The following LRBA variants were observed in gnomAD, a reference collection of about 807,000 sequenced individuals.
LRBA encodes lipopolysaccharide-responsive and beige-like anchor protein.
Under a neutral mutation model 330.0 loss-of-function variants are expected in LRBA, and 176 were observed. The observed-to-expected ratio is 0.53, with a 90% CI of 0.47 to 0.60. LRBA has a LOEUF of 0.60. Among genes scored for constraint, LRBA ranks in the 20% least tolerant of loss-of-function variants. The pLI, the probability that LRBA is intolerant of heterozygous loss-of-function variation, is 0.00. For synonymous variants in LRBA, 1,230 were observed against 1,193.0 expected (o/e 1.03, Z -0.64); for missense variants, 3,259 against 3,444.8 (o/e 0.95, Z 1.35).
At chr4:150,974,522 G>C (rs934860001) in intron 2 of LRBA, among the ~76,000 whole-genome samples, 1 of 152,104 alleles carries the variant, frequency 6.6e-6, no homozygotes, top group Admixed American at 6.6e-5. Context: ...CCAAGGCTTT[G>C]GACTAAGCTT....
At chr4:150,793,354 C>G (rs908841342) in intron 34 of LRBA, among the ~76,000 whole-genome samples, 1 of 152,002 alleles carries the variant, frequency 6.6e-6, no homozygotes. Flanking sequence ...AAACCAAAGG[C>G]CCTGCTCATA....
chr4:150,903,602 T>C (rs1243699257), intron 13 of LRBA, among the ~76,000 whole-genome samples: 2 of 152,034 alleles, frequency 1.3e-5, no homozygotes, highest in African/African-American at 4.8e-5. Flanking sequence ...TAGCTGTGTG[T>C]GGTGGTACAC....
chr4:150,775,489 AC>A (rs778165801), intron 34 of LRBA, among the ~76,000 whole-genome samples: 43,635 of 121,218 alleles, frequency 0.36, 7,832 homozygotes, highest in Non-Finnish European at 0.45. Flanking sequence ...ACACACACAC[AC>A]ACACACACAC....
At chr4:150,875,189 C>T (rs535607990) in intron 17 of LRBA, among the ~76,000 whole-genome samples, 1 of 152,198 alleles carries the variant, frequency 6.6e-6, no homozygotes, top group African/African-American at 2.4e-5. Flanking sequence ...AAGCCTATCT[C>T]CAGGGATTCA....
Position 150,870,568 on chromosome 4 carries a change from T to C in LRBA, c.2406A>G (p.Lys802=), listed in dbSNP as rs201780876. ...CTGAAGAATCAGGATCTGGATGCTG[T>C]TTATGTATCACCTGAGTACCAATCT... is the stretch of plus-strand genomic sequence containing the variant. ...IEQIGTQVIH[K]QHPDPDSSVK... is the part of the protein sequence containing the mutation. Residue 802 remains lysine (K), a synonymous_variant, in exon 20 of 57, where the codon AAA becomes AAG. Transcript: ENST00000651943. The C allele has an allele frequency of 2.0e-4, 326 of 1,593,556 alleles. 1 individual carries two copies. The highest frequency in any genetic ancestry group is 1.5e-3 in the Admixed American group (88 of 59,950).
chr4:150,417,199 CAT>C (rs1329698886), intron 46 of LRBA, among the ~76,000 whole-genome samples: 1 of 152,070 alleles, frequency 6.6e-6, no homozygotes, highest in African/African-American at 2.4e-5. Flanking sequence ...ATCCTGAATA[CAT>C]ATATCTTTCA....
intron 2 of LRBA, among the ~76,000 whole-genome samples, chr4:150,953,614 C>T (rs2149549067): frequency 6.6e-6 from 1 of 152,182 alleles, no homozygotes; most frequent in Non-Finnish European, 1.5e-5. Context: ...TCTGCCAGCC[C>T]GGGCCTCCCG....
intron 46 of LRBA, among the ~76,000 whole-genome samples, chr4:150,432,453 C>CTTTTTTTTTTTTTTTTT (rs35393002): frequency 1.0e-5 from 1 of 98,438 alleles, no homozygotes; most frequent in Non-Finnish European, 1.8e-5. Context: ...TAAGTGTGTT[C>CTTTTTTTTTTTTTTTTT]TTTTTTTTTT....
intron 46 of LRBA, among the ~76,000 whole-genome samples, chr4:150,428,910 AC>A (rs1200170613): frequency 6.6e-6 from 1 of 152,094 alleles, no homozygotes; most frequent in African/African-American, 2.4e-5. Flanking sequence ...TGTTCATGTC[AC>A]TTCCCTTGCT....
At chr4:150,729,251 C>T (rs531928270) in intron 36 of LRBA, among the ~76,000 whole-genome samples, 3 of 152,274 alleles carry the variant, frequency 2.0e-5, no homozygotes, top group South Asian at 4.1e-4. Context: ...AAGCTCAAGG[C>T]TGCAGTGAGC....
At chr4:150,391,505 A>G (rs1354210840) in intron 47 of LRBA, among the ~76,000 whole-genome samples, 1 of 152,196 alleles carries the variant, frequency 6.6e-6, no homozygotes, top group East Asian at 1.9e-4. Flanking sequence ...CAAACATGAG[A>G]AGCATTTCTT....
Position 150,321,556 on chromosome 4 carries a change from G to A in LRBA, c.7453-188C>T, listed in dbSNP as rs1732518938. 6.6e-6 allele frequency among the ~76,000 whole-genome samples: 1 copy of A among 152,190 alleles called. No homozygotes were observed. The highest frequency in any genetic ancestry group is 1.5e-5 in the Non-Finnish European group (1 of 68,018). On this transcript the variant is annotated intron_variant, in intron 49 of 56. Coordinates refer to ENST00000651943, the MANE Select transcript of LRBA (RefSeq NM_001364905.1). The surrounding 1 kb of genome is among the most constrained non-coding windows in gnomAD (Gnocchi z 4.5). The stretch of plus-strand genomic sequence containing the variant: ...ACAGCAGTCATGATCTGTTATTCAT[G>A]TATGTCGTTAGTTGGAATTTTGGGG...
intron 47 of LRBA, among the ~76,000 whole-genome samples, chr4:150,360,315 G>GT (rs1474089936): frequency 1.9e-5 from 2 of 106,436 alleles, no homozygotes; most frequent in Non-Finnish European, 2.0e-5. Flanking sequence ...ATTTTAAAAA[G>GT]TAAAAAAAAA....
intron 53 of LRBA, among the ~76,000 whole-genome samples, chr4:150,290,754 C>T (rs967160668): frequency 6.6e-6 from 1 of 151,980 alleles, no homozygotes; most frequent in Non-Finnish European, 1.5e-5. Context: ...GGAAGATGAA[C>T]AAGTCAAATG....
At chr4:150,699,610 A>T (rs1392164832) in intron 36 of LRBA, among the ~76,000 whole-genome samples, 1 of 152,188 alleles carries the variant, frequency 6.6e-6, no homozygotes, top group Non-Finnish European at 1.5e-5. Context: ...AGCTGTTATT[A>T]AACACTTAAT....
At chr4:150,454,340 A>C (rs572461398) in intron 44 of LRBA, among the ~76,000 whole-genome samples, 1 of 152,264 alleles carries the variant, frequency 6.6e-6, no homozygotes. Context: ...ACAAGTCAGA[A>C]ACTGGGACAG....
At chr4:150,368,841 CCT>C (rs1440822126) in intron 47 of LRBA, among the ~76,000 whole-genome samples, 1 of 152,194 alleles carries the variant, frequency 6.6e-6, no homozygotes, top group Non-Finnish European at 1.5e-5. Context: ...TTGTTCTCTT[CCT>C]CTCACTCATG....
At chr4:150,934,769 G>A (rs1056973894) in intron 2 of LRBA, among the ~76,000 whole-genome samples, 2 of 152,154 alleles carry the variant, frequency 1.3e-5, no homozygotes, top group Non-Finnish European at 2.9e-5. Flanking sequence ...AGCACTTTGG[G>A]AGGCCGAGGC....
At chr4:150,274,234 G>GAAAT (rs200857314) in intron 56 of LRBA, among the ~76,000 whole-genome samples, 2,450 of 152,208 alleles carry the variant, frequency 0.016, 23 homozygotes, top group Non-Finnish European at 0.025. Flanking sequence ...AATGAAGGCA[G>GAAAT]AAATAAAGAT....
Sources: gnomAD v4.1 joint callset for allele counts (sites outside exome capture counted in the v4.1 genomes callset) on GRCh38, gnomAD v4.1.1 for gene constraint, Gnocchi (gnomAD v3.1) non-coding constraint, MANE v1.5 for transcripts, NCBI Gene and HGNC (gene_info 2026-07-23, HGNC 2026-07-21) for gene names.